PRDM14: variants seen among roughly 807,000 people sequenced by gnomAD.
PRDM14 encodes PR/SET domain 14.
PRDM14 carries 16 observed loss-of-function variants against 48.0 expected under a neutral mutation model. That is an observed-to-expected ratio of 0.33 (90% CI 0.23 to 0.51). The LOEUF (loss-of-function observed/expected upper bound fraction) is 0.51. PRDM14 is among the 20% of genes least tolerant of loss of function. The pLI is 0.97. For synonymous variants in PRDM14, 264 were observed against 276.6 expected (o/e 0.95, Z 0.45); for missense variants, 566 against 719.6 (o/e 0.79, Z 2.44).
intron 5 of PRDM14, among the ~76,000 whole-genome samples, chr8:70,064,046 A>G (rs971132194): frequency 5.9e-5 from 9 of 152,132 alleles, no homozygotes; most frequent in African/African-American, 2.2e-4. Flanking sequence ...CTGTATGCAG[A>G]TATCAGAGGC....
intron 6 of PRDM14, among the ~76,000 whole-genome samples, chr8:70,056,843 T>C (rs902854935): frequency 6.8e-6 from 1 of 147,948 alleles, no homozygotes; most frequent in Non-Finnish European, 1.5e-5. Flanking sequence ...AAAAAGATTG[T>C]TCCTCCACTG....
intron 1 of PRDM14, 34 bp from the exon 2 acceptor site, chr8:70,069,918 G>A: frequency 7.4e-7 from 1 of 1,359,696 alleles, no homozygotes. Context: ...AGGACACCGC[G>A]CGGGAGCTTC....
chr8:70,053,477 A>C (rs1226857699), intron 7 of PRDM14, among the ~76,000 whole-genome samples: 1 of 151,754 alleles, frequency 6.6e-6, no homozygotes, highest in Non-Finnish European at 1.5e-5. Flanking sequence ...TGCAACCTCC[A>C]CCTCCCAGGT....
chr8:70,070,656 T>G (rs942923370), intron 1 of PRDM14, among the ~76,000 whole-genome samples: 1 of 152,110 alleles, frequency 6.6e-6, no homozygotes, highest in Non-Finnish European at 1.5e-5. Flanking sequence ...ACTCCAATCA[T>G]TCTACCAGGA....
intron 5 of PRDM14, among the ~76,000 whole-genome samples, chr8:70,059,947 G>C (rs951237809): frequency 6.6e-6 from 1 of 151,910 alleles, no homozygotes; most frequent in African/African-American, 2.4e-5. Flanking sequence ...TACAAAATTA[G>C]CCAGGCGTGG....
intron 7 of PRDM14, among the ~76,000 whole-genome samples, chr8:70,052,593 AGTGGTTCACACCT>A (rs1805406301): frequency 6.6e-6 from 1 of 152,062 alleles, no homozygotes; most frequent in African/African-American, 2.4e-5. Flanking sequence ...GGCTGGGCGC[AGTGGTTCACACCT>A]GTAATCCCAG....
At chr8:70,058,204 CA>C (rs1207433747) in intron 6 of PRDM14, among the ~76,000 whole-genome samples, 27 of 152,318 alleles carry the variant, frequency 1.8e-4, no homozygotes, top group Middle Eastern at 3.4e-3. Flanking sequence ...CTATACCTGT[CA>C]ACACACCTGC....
chr8:70,069,570 C>G lies in PRDM14; in HGVS notation c.291G>C (p.Lys97Asn). The change falls in exon 2 of 8, where the codon AAG becomes AAC. Residue 97 changes from lysine to asparagine, a missense_variant. By Grantham distance (94) the Lys-to-Asn change is moderately conservative. Transcript: ENST00000276594. The part of the protein sequence containing the change: ...EPLYDLPWYS[K>N]LPPWYPIPHV... ...GGGGAATTGGGTACCACGGTGGCAG[C>G]TTGCTGTACCAGGGCAGATCGTAGA... 1 of 1,605,780 alleles carries G rather than the reference C, an allele frequency of 6.2e-7. No individual in the cohort carries two copies. The highest frequency in any genetic ancestry group is 1.1e-5 in the South Asian group (1 of 90,156).
intron 5 of PRDM14, among the ~76,000 whole-genome samples, chr8:70,063,275 A>G (rs1805615106): frequency 6.6e-6 from 1 of 151,906 alleles, no homozygotes; most frequent in Non-Finnish European, 1.5e-5. Context: ...CTCTACTAAA[A>G]ATACAAAAAT....
At chr8:70,065,914 A>G (rs1045768909) in intron 5 of PRDM14, among the ~76,000 whole-genome samples, 4 of 152,184 alleles carry the variant, frequency 2.6e-5, no homozygotes, top group African/African-American at 7.2e-5. Flanking sequence ...GCAGAGATGA[A>G]TCAGAAACTG....
chr8:70,062,076 T>G (rs2131039221), intron 5 of PRDM14, among the ~76,000 whole-genome samples: 1 of 152,362 alleles, frequency 6.6e-6, no homozygotes, highest in South Asian at 2.1e-4. Flanking sequence ...ATTAACAGAT[T>G]AACAAATTAA....
chr8:70,058,615 G>A (rs779735788), intron 6 of PRDM14, 25 bp downstream of exon 6: 6 of 1,598,236 alleles, frequency 3.8e-6, no homozygotes, highest in Admixed American at 1.7e-5. Context: ...CGTGATGGTG[G>A]GTCATGTGTC....
At chr8:70,064,174 C>T (rs1173167669) in intron 5 of PRDM14, among the ~76,000 whole-genome samples, 1 of 151,940 alleles carries the variant, frequency 6.6e-6, no homozygotes, top group Non-Finnish European at 1.5e-5. Context: ...TCCTGACAGC[C>T]CCTCATCATT....
chr8:70,068,883 T>C (rs1354269635), intron 2 of PRDM14, among the ~76,000 whole-genome samples: 1 of 152,208 alleles, frequency 6.6e-6, no homozygotes, highest in Non-Finnish European at 1.5e-5. Flanking sequence ...AAGGCTGTCA[T>C]TGCATGTTAG....
chr8:70,058,554 G>A (rs1805520107), intron 6 of PRDM14, 86 bp downstream of exon 6: 1 of 1,142,916 alleles, frequency 8.7e-7, no homozygotes, highest in Admixed American at 1.8e-5. Context: ...CCTGCAGCTA[G>A]CACCTACAAG....
Position 70,052,044 on chromosome 8 carries a change from G to T in PRDM14, c.*33C>A. ...CCACCTCTGCCTCCCAAAGTGCTGG[G>T]ATTACAGGCGTGAGTCATTGTGCCT... On this transcript the variant is annotated 3_prime_UTR_variant, in exon 8 of 8. Coordinates refer to ENST00000276594, the MANE Select transcript of PRDM14 (RefSeq NM_024504.4). 1 of 1,480,036 alleles carries T rather than the reference G, an allele frequency of 6.8e-7. No individual in the cohort carries two copies. The highest frequency in any genetic ancestry group is 1.2e-5 in the South Asian group (1 of 80,992). The allele number at this position is 1,480,036 out of a possible 1,614,324, so 91.7% of individuals were successfully genotyped here.
intron 6 of PRDM14, 64 bp downstream of exon 6, chr8:70,058,576 T>C: frequency 3.4e-6 from 5 of 1,450,770 alleles, no homozygotes; most frequent in Non-Finnish European, 4.8e-6. Flanking sequence ...CAACTCCCCG[T>C]GTTCAGGAGC....
rs1299014491 is a variant in PRDM14 at position 70,066,368 on chromosome 8, A to C, written c.1050T>G (p.Tyr350Ter). 2 of 1,614,196 alleles carry C rather than the reference A, an allele frequency of 1.2e-6. No homozygotes were observed. Among genetic ancestry groups the C allele is most frequent in the Admixed American group, 1.7e-5 (1 of 60,022 alleles). Reference sequence around the variant, plus strand: ...TCTGATGGATCTCTTTGCAGCTCTCATAAAATATATGCCCTTGACACTGCA... The same window carrying C: ...TCTGATGGATCTCTTTGCAGCTCTCCTAAAATATATGCCCTTGACACTGCA... The part of the protein sequence containing the change: ...VAVQCQGHIF[Y>*]ESCKEIHQNQ... The change falls in exon 5 of 8, where the codon TAT (tyrosine) becomes TAG (stop). Residue 350 changes from tyrosine to a stop codon, truncating the protein, a stop_gained. Coordinates refer to ENST00000276594, the MANE Select transcript of PRDM14 (RefSeq NM_024504.4). LOFTEE classifies it high-confidence loss of function.
intron 6 of PRDM14, among the ~76,000 whole-genome samples, chr8:70,055,643 C>G (rs946572757): frequency 3.9e-5 from 6 of 152,016 alleles, no homozygotes; most frequent in African/African-American, 1.4e-4. Context: ...GTAACTGGGA[C>G]TACAGGTGCG....
Sources: allele counts gnomAD v4.1 joint callset (sites outside exome capture counted in the v4.1 genomes callset), GRCh38; gene constraint gnomAD v4.1.1; transcripts MANE v1.5; gene names NCBI Gene and HGNC (gene_info 2026-07-23, HGNC 2026-07-21).